Variants in DNAJC15 observed in about 807,000 individuals in gnomAD.
DNAJC15 encodes the protein dnaJ homolog subfamily C member 15.
Under a neutral mutation model 22.4 loss-of-function variants are expected in DNAJC15, and 27 were observed. The ratio of observed to expected loss-of-function variants is 1.20; its 90% CI spans 0.89 to 1.66. The LOEUF (loss-of-function observed/expected upper bound fraction) is 1.66. DNAJC15 is among the 40% of genes most tolerant of loss of function. The pLI, the probability that DNAJC15 is intolerant of heterozygous loss-of-function variation, is 0.00. For missense variants in DNAJC15, 208 were observed against 187.1 expected, an observed-to-expected ratio of 1.11 and a Z score of -0.65; for synonymous variants, 79 against 63.2, an observed-to-expected ratio of 1.25 and a Z score of -1.19.
In DNAJC15 at chr13:43,107,291, G is replaced by GA. The variant is rs61651931; in HGVS notation, c.*55dup. ...GAAGGAAAAAAAAAGAGGGGACTTCGAAAAAAAAAAAAGCCCTGCAAAATA... is the reference window on the plus strand; with the variant it reads ...GAAGGAAAAAAAAAGAGGGGACTTCGAAAAAAAAAAAAAGCCCTGCAAAATA... On this transcript the variant is annotated 3_prime_UTR_variant, in exon 6 of 6. Coordinates refer to ENST00000379221, the MANE Select transcript of DNAJC15 (RefSeq NM_013238.3). The GA allele has an allele frequency of 0.028, 33,566 of 1,220,208 alleles. 87 individuals carry two copies. Among genetic ancestry groups the GA allele is most frequent in the Non-Finnish European group, 0.03 (27,631 of 928,736 alleles). The allele number at this position is 1,220,208 out of a possible 1,614,324, so 75.6% of individuals were successfully genotyped here.
At chr13:43,034,305 C>CTTTTTTTTTTTTTTTT (rs753362468) in intron 1 of DNAJC15, among the ~76,000 whole-genome samples, 1 of 60,606 alleles carries the variant, frequency 1.7e-5, no homozygotes, top group Non-Finnish European at 3.1e-5. Context: ...GAGATTTGTC[C>CTTTTTTTTTTTTTTTT]TTTTTTTTTT....
At chr13:43,089,392 A>T (rs527550642) in intron 5 of DNAJC15, among the ~76,000 whole-genome samples, 1 of 152,368 alleles carries the variant, frequency 6.6e-6, no homozygotes, top group Admixed American at 6.5e-5. Flanking sequence ...TAGCAAGGCG[A>T]TAAAGGGTAT....
intron 1 of DNAJC15, among the ~76,000 whole-genome samples, chr13:43,035,254 G>C (rs143489095): frequency 3.3e-5 from 5 of 152,228 alleles, no homozygotes; most frequent in Middle Eastern, 3.4e-3. Flanking sequence ...AAAGGAATTA[G>C]AGAGAGAGAA....
In DNAJC15 at chr13:43,113,988, T is replaced by C. The variant is rs2040836120; in HGVS notation, c.*6740T>C. 6.6e-6 allele frequency: 1 copy of C among 152,156 alleles called. No individual in the cohort carries two copies. Among genetic ancestry groups the C allele is most frequent in the Admixed American group, 6.5e-5 (1 of 15,280 alleles). 9.4% of individuals were successfully genotyped at this position (152,156 alleles called of 1,614,324 possible). On this transcript the variant is annotated 3_prime_UTR_variant, in exon 6 of 6. Transcript: ENST00000379221. Reference sequence around the variant, plus strand: ...AGTTTGCCTTCTACTCTATCTCATTTTGTACTCGCTTACATACTACATTCT... The same window carrying C: ...AGTTTGCCTTCTACTCTATCTCATTCTGTACTCGCTTACATACTACATTCT...
intron 1 of DNAJC15, among the ~76,000 whole-genome samples, chr13:43,034,610 C>A (rs1310460597): frequency 9.6e-6 from 1 of 104,356 alleles, no homozygotes; most frequent in Non-Finnish European, 2.0e-5. Flanking sequence ...CCACCGCACC[C>A]AGCCGAGATT....
intron 1 of DNAJC15, among the ~76,000 whole-genome samples, chr13:43,033,908 AT>A (rs2040415118): frequency 6.6e-6 from 1 of 151,814 alleles, no homozygotes; most frequent in Non-Finnish European, 1.5e-5. Flanking sequence ...GGTGCCTATA[AT>A]CCCAGCTACT....
At chr13:43,038,778 C>T (rs1422470032) in intron 1 of DNAJC15, among the ~76,000 whole-genome samples, 2 of 133,872 alleles carry the variant, frequency 1.5e-5, no homozygotes, top group African/African-American at 5.7e-5. Context: ...GGCGACAAAG[C>T]GAGACTCTGT....
intron 1 of DNAJC15, among the ~76,000 whole-genome samples, chr13:43,047,035 T>G (rs2040480661): frequency 6.6e-6 from 1 of 152,192 alleles, no homozygotes; most frequent in African/African-American, 2.4e-5. Flanking sequence ...AAGGTTCAAT[T>G]TCTTGGAATC....
chr13:43,107,117 G>A, intron 5 of DNAJC15, 61 bp from the exon 6 acceptor site: 2 of 1,318,308 alleles, frequency 1.5e-6, no homozygotes, highest in South Asian at 3.0e-5. Context: ...TTATATTTTG[G>A]GGACTTTAAA....
At chr13:43,031,606 T>C (rs1321370422) in intron 1 of DNAJC15, among the ~76,000 whole-genome samples, 1 of 152,214 alleles carries the variant, frequency 6.6e-6, no homozygotes, top group East Asian at 1.9e-4. Context: ...CCAGGCTTTA[T>C]GCTAATGTTT....
intron 5 of DNAJC15, among the ~76,000 whole-genome samples, chr13:43,102,860 G>A (rs1046770190): frequency 6.6e-6 from 1 of 151,956 alleles, no homozygotes; most frequent in African/African-American, 2.4e-5. Flanking sequence ...CATAAAAAGA[G>A]TTTAAAGTGT....
chr13:43,103,929 C>T (rs1027027873), intron 5 of DNAJC15, among the ~76,000 whole-genome samples: 10 of 152,066 alleles, frequency 6.6e-5, no homozygotes, highest in South Asian at 2.1e-4. Flanking sequence ...TGTACTTTAT[C>T]TAATAATTAG....
intron 1 of DNAJC15, among the ~76,000 whole-genome samples, chr13:43,057,309 C>A (rs572375859): frequency 1.1e-4 from 16 of 151,950 alleles, no homozygotes; most frequent in Admixed American, 6.5e-4. Flanking sequence ...TTTTTAAATT[C>A]TTTTTTGTCT....
intron 1 of DNAJC15, among the ~76,000 whole-genome samples, chr13:43,035,717 A>G (rs1410575231): frequency 6.6e-6 from 1 of 151,944 alleles, no homozygotes; most frequent in Non-Finnish European, 1.5e-5. Flanking sequence ...TTATTTTTTA[A>G]TTTTAATATT....
At position 43,112,669 on chromosome 13, in the gene DNAJC15, T is replaced by C. The variant is rs986226317; in HGVS notation, c.*5421T>C. The C allele has an allele frequency of 6.6e-6, 1 of 152,156 alleles. No homozygotes were observed. Among genetic ancestry groups the C allele is most frequent in the Non-Finnish European group, 1.5e-5 (1 of 68,036 alleles). The allele number at this position is 152,156 out of a possible 1,614,324, so 9.4% of individuals were successfully genotyped here. ...TGATTTTCATAGCCAGCCTAAGAGGTACTATTATGTATCCCCATTTTACAG... is the reference window on the plus strand; with the variant it reads ...TGATTTTCATAGCCAGCCTAAGAGGCACTATTATGTATCCCCATTTTACAG... On this transcript the variant is annotated 3_prime_UTR_variant, in exon 6 of 6. Coordinates refer to ENST00000379221, the MANE Select transcript of DNAJC15 (RefSeq NM_013238.3).
chr13:43,042,177 A>G (rs761010384), intron 1 of DNAJC15, among the ~76,000 whole-genome samples: 2 of 152,212 alleles, frequency 1.3e-5, no homozygotes, highest in African/African-American at 4.8e-5. Flanking sequence ...CCCTTCATAC[A>G]CAATGTTTTT....
At chr13:43,038,985 TTA>T (rs1377147991) in intron 1 of DNAJC15, among the ~76,000 whole-genome samples, 1 of 152,056 alleles carries the variant, frequency 6.6e-6, no homozygotes, top group African/African-American at 2.4e-5. Context: ...GTAGAAGACT[TTA>T]TATGTTTTTT....
intron 3 of DNAJC15, among the ~76,000 whole-genome samples, chr13:43,078,407 G>A (rs895205627): frequency 6.6e-6 from 1 of 152,020 alleles, no homozygotes; most frequent in African/African-American, 2.4e-5. Context: ...CTGTTTTAAA[G>A]TGAAAAAAAG....
At position 43,083,462 on chromosome 13, in the gene DNAJC15, C is replaced by T. The variant is rs555314867; in HGVS notation, c.312-2306C>T. On this transcript the variant is annotated intron_variant, in intron 4 of 5. Transcript: ENST00000379221. The stretch of plus-strand genomic sequence containing the variant: ...GATTACAGGCGTGAGCTACTGCCCC[C>T]GGCCTACAATCCTAATTTCTATTTT... 1.2e-4 allele frequency among the ~76,000 whole-genome samples: 18 copies of T among 152,240 alleles called. No individual in the cohort carries two copies. The East Asian group carries it at 2.9e-3, about 25-fold the overall frequency.
Sources: allele counts gnomAD v4.1 joint callset (sites outside exome capture counted in the v4.1 genomes callset), GRCh38; gene constraint gnomAD v4.1.1; transcripts MANE v1.5; gene names NCBI Gene and HGNC (gene_info 2026-07-23, HGNC 2026-07-21).